Variants in DKK3 observed in about 807,000 individuals in gnomAD.
DKK3 encodes the protein dickkopf-related protein 3.
DKK3 carries 22 observed loss-of-function variants against 33.2 expected under a neutral mutation model. The observed-to-expected ratio is 0.66, with a 90% CI of 0.47 to 0.95. The LOEUF (loss-of-function observed/expected upper bound fraction) is 0.95. Among genes scored for constraint, DKK3 ranks in the 40% least tolerant of loss-of-function variants. DKK3 has a pLI of 0.00. For missense variants in DKK3, 398 were observed against 458.4 expected, an observed-to-expected ratio of 0.87 and a Z score of 1.20; for synonymous variants, 194 against 188.8, an observed-to-expected ratio of 1.03 and a Z score of -0.23.
chr11:12,008,280 T>TC lies in DKK3; in HGVS notation c.213+89dup. 9 of 1,462,368 alleles carry TC rather than the reference T, an allele frequency of 6.2e-6. No individual in the cohort carries two copies. Among genetic ancestry groups the TC allele is most frequent in the Non-Finnish European group, 8.2e-6 (9 of 1,102,916 alleles). 90.6% of individuals were successfully genotyped at this position (1,462,368 alleles called of 1,614,324 possible). A position where few individuals can be genotyped will look rare whatever the true frequency, so the allele number is the denominator to read the frequency against. On this transcript the variant is annotated intron_variant, in intron 1 of 6. Coordinates refer to ENST00000683431, the MANE Select transcript of DKK3 (RefSeq NM_001018057.2). This position sits in a 1 kb window ranked among gnomAD's most constrained non-coding sequence, Gnocchi z 4.6. Reference sequence around the variant, plus strand: ...CCCAGGCCCTGCGCGGGACCCGAGGTCCCTGGCCAGCGCTCTTCCATGCCT... The same window carrying TC: ...CCCAGGCCCTGCGCGGGACCCGAGGTCCCCTGGCCAGCGCTCTTCCATGCCT...
At chr11:12,001,227 G>A (rs566556208) in intron 2 of DKK3, among the ~76,000 whole-genome samples, 2 of 152,334 alleles carry the variant, frequency 1.3e-5, no homozygotes, top group Admixed American at 1.3e-4. Flanking sequence ...TCGCAGATGA[G>A]CAATGCCAAA....
Position 12,008,339 on chromosome 11 carries a change from T to C in DKK3, c.213+31A>G, listed in dbSNP as rs544453920. The C allele has an allele frequency of 1.3e-6, 2 of 1,587,478 alleles. No individual in the cohort carries two copies. Among genetic ancestry groups the C allele is most frequent in the South Asian group, 2.3e-5 (2 of 88,288 alleles). ...TTCGCTGCCCCCAGTCTGGCGCTTC[T>C]CAGAGCCCCGCGCCGCCAGGGCGCA... On this transcript the variant is annotated intron_variant, in intron 1 of 6. Transcript: ENST00000683431. The surrounding 1 kb of genome is among the most constrained non-coding windows in gnomAD (Gnocchi z 4.6).
In DKK3 at chr11:11,987,604, AT is replaced by A. The variant is rs1328317749; in HGVS notation, c.435+11091del. ...CTGCAATTGATTAGTAATGTCTGCC[AT>A]GTGCCCGGAGGTGGGGTATGGCAGT... is the stretch of plus-strand genomic sequence containing the variant. On this transcript the variant is annotated intron_variant, in intron 3 of 6. Transcript: ENST00000683431. Among the ~76,000 whole-genome samples, 300 of 152,332 alleles carry A rather than the reference AT, an allele frequency of 2.0e-3. 1 individual carries two copies. The highest frequency in any genetic ancestry group is 6.9e-3 in the African/African-American group (285 of 41,590).
intron 3 of DKK3, among the ~76,000 whole-genome samples, chr11:11,975,605 C>T: frequency 6.6e-6 from 1 of 152,188 alleles, no homozygotes; most frequent in Non-Finnish European, 1.5e-5. Flanking sequence ...CAGGCACCCT[C>T]CTGAGCAGAG....
chr11:11,972,755 G>A (rs939562288), intron 3 of DKK3, among the ~76,000 whole-genome samples: 22 of 152,198 alleles, frequency 1.4e-4, no homozygotes, highest in African/African-American at 4.8e-4. Flanking sequence ...TCTTAGCTGT[G>A]CTCAAGGGTT....
In DKK3 at chr11:11,965,749, C is replaced by G. The variant is rs144453521; in HGVS notation, c.830+60G>C. On this transcript the variant is annotated intron_variant, in intron 6 of 6. Coordinates refer to ENST00000683431, the MANE Select transcript of DKK3 (RefSeq NM_001018057.2). Reference sequence around the variant, plus strand: ...AAAACCTGCTCCTGCTCCTACGCCCCTGCTGGATGGCACCTCCTCAGCCCT... The same window carrying G: ...AAAACCTGCTCCTGCTCCTACGCCCGTGCTGGATGGCACCTCCTCAGCCCT... 3.3e-4 allele frequency: 522 copies of G among 1,580,624 alleles called. 3 individuals carry two copies. The African/African-American group carries it at 6.4e-3, about 19-fold the overall frequency.
intron 5 of DKK3, among the ~76,000 whole-genome samples, chr11:11,966,691 GC>G (rs1847604762): frequency 6.6e-6 from 1 of 152,122 alleles, no homozygotes; most frequent in Non-Finnish European, 1.5e-5. Context: ...GGAGGGGGCT[GC>G]TAGTCCCACC....
At chr11:11,967,923 C>G (rs995749106) in intron 4 of DKK3, among the ~76,000 whole-genome samples, 2 of 152,118 alleles carry the variant, frequency 1.3e-5, no homozygotes, top group Non-Finnish European at 2.9e-5. Context: ...GAGCAGCTGC[C>G]GCTCTCCCTG....
chr11:12,007,380 A>G (rs1848559061), intron 1 of DKK3, among the ~76,000 whole-genome samples: 1 of 152,144 alleles, frequency 6.6e-6, no homozygotes, highest in South Asian at 2.1e-4. Context: ...GGCTACAGAC[A>G]GATTGGGCCC....
intron 3 of DKK3, among the ~76,000 whole-genome samples, chr11:11,986,925 A>C (rs1848082039): frequency 6.6e-6 from 1 of 152,230 alleles, no homozygotes; most frequent in Admixed American, 6.5e-5. Context: ...AGAAAAACAG[A>C]GGTTCATTTT....
At chr11:11,988,755 C>T (rs1430506694) in intron 3 of DKK3, among the ~76,000 whole-genome samples, 2 of 152,206 alleles carry the variant, frequency 1.3e-5, no homozygotes, top group East Asian at 1.9e-4. Context: ...AAGGAAATCA[C>T]ATCTCTGGAT....
chr11:11,998,459 A>C, intron 3 of DKK3: 1 of 596,374 alleles, frequency 1.7e-6, no homozygotes, highest in Non-Finnish European at 3.0e-6. Context: ...GGCCATGCAA[A>C]TGACCACTCA....
At chr11:11,979,257 CCT>C (rs1189709250) in intron 3 of DKK3, among the ~76,000 whole-genome samples, 1 of 152,228 alleles carries the variant, frequency 6.6e-6, no homozygotes, top group Non-Finnish European at 1.5e-5. Flanking sequence ...GGAGCAGCCC[CCT>C]GACAGCTGCT....
intron 3 of DKK3, among the ~76,000 whole-genome samples, chr11:11,987,282 A>G (rs1296524124): frequency 1.3e-5 from 2 of 152,176 alleles, no homozygotes; most frequent in African/African-American, 4.8e-5. Flanking sequence ...ATTTTTTGAG[A>G]TATGATAAAA....
At chr11:12,001,861 A>G (rs1848435429) in intron 2 of DKK3, 2 of 153,384 alleles carry the variant, frequency 1.3e-5, no homozygotes, top group South Asian at 4.1e-4. Context: ...GGGGTATATC[A>G]TATTTACATT....
rs879117830 is a variant in DKK3, at chr11:12,002,352, G to C, written c.299C>G (p.Thr100Arg). The C allele has an allele frequency of 1.2e-6, 2 of 1,614,040 alleles. No homozygotes were observed. The highest frequency in any genetic ancestry group is 4.5e-5 in the East Asian group (2 of 44,874). ...GGTATTATTTCCAACCTTCGTGTCTGTGTTGGTCTCATTGTGATAGCTGGG... is the reference window on the plus strand; with the variant it reads ...GGTATTATTTCCAACCTTCGTGTCTCTGTTGGTCTCATTGTGATAGCTGGG... ...LPPSYHNETN[T>R]DTKVGNNTIH... Residue 100 changes from threonine to arginine, a missense_variant, in exon 2 of 7, where the codon ACA (threonine) becomes AGA (arginine). Coordinates refer to ENST00000683431, the MANE Select transcript of DKK3 (RefSeq NM_001018057.2).
At chr11:11,975,576 G>A (rs981734775) in intron 3 of DKK3, among the ~76,000 whole-genome samples, 12 of 152,206 alleles carry the variant, frequency 7.9e-5, no homozygotes, top group African/African-American at 2.9e-4. Flanking sequence ...GAACCCACGG[G>A]TGGGGAGGCA....
At chr11:11,978,323 C>T (rs544083942) in intron 3 of DKK3, among the ~76,000 whole-genome samples, 28 of 152,168 alleles carry the variant, frequency 1.8e-4, no homozygotes, top group Middle Eastern at 3.4e-3. Context: ...CCTTCCTCCC[C>T]GTACCCACTC....
intron 1 of DKK3, among the ~76,000 whole-genome samples, chr11:12,007,627 G>A (rs1184419773): frequency 1.3e-5 from 2 of 152,208 alleles, no homozygotes; most frequent in African/African-American, 4.8e-5. Context: ...TAAATACTGC[G>A]CACCTATTAT....
Sources: gnomAD v4.1 joint callset for allele counts (sites outside exome capture counted in the v4.1 genomes callset) on GRCh38, gnomAD v4.1.1 for gene constraint, Gnocchi (gnomAD v3.1) non-coding constraint, MANE v1.5 for transcripts, NCBI Gene and HGNC (gene_info 2026-07-23, HGNC 2026-07-21) for gene names.